The following DGKB variants were observed in gnomAD, a reference collection of about 807,000 sequenced individuals.
DGKB encodes the protein diacylglycerol kinase beta.
In DGKB, 67 loss-of-function variants were observed where a neutral mutation model predicts 114.3. The ratio of observed to expected loss-of-function variants is 0.59; its 90% CI spans 0.48 to 0.72. The LOEUF is 0.72. Among genes scored for constraint, DGKB ranks in the 30% least tolerant of loss-of-function variants. The probability of loss-of-function intolerance (pLI) is 0.00; values close to 1 mark genes in which losing one functional copy is unlikely to be tolerated. For synonymous variants in DGKB, 398 were observed against 323.1 expected (o/e 1.23, Z -2.49); for missense variants, 907 against 975.2 (o/e 0.93, Z 0.93).
chr7:14,548,022 C>T (rs935590725), intron 20 of DGKB, among the ~76,000 whole-genome samples: 18 of 152,118 alleles, frequency 1.2e-4, no homozygotes, highest in Admixed American at 4.6e-4. Context: ...AGAATAACAT[C>T]GTTACCTTTA....
chr7:14,854,799 A>T (rs547176990), intron 1 of DGKB, among the ~76,000 whole-genome samples: 1 of 152,320 alleles, frequency 6.6e-6, no homozygotes, highest in East Asian at 1.9e-4. Context: ...TTTAATCTAT[A>T]GAAGTTTATC....
At chr7:14,198,887 T>C (rs931110420) in intron 23 of DGKB, among the ~76,000 whole-genome samples, 1 of 152,016 alleles carries the variant, frequency 6.6e-6, no homozygotes, top group African/African-American at 2.4e-5. Flanking sequence ...TGCAGAAATA[T>C]TTAAATAATT....
intron 25 of DGKB, among the ~76,000 whole-genome samples, chr7:14,164,542 C>G (rs1439207001): frequency 1.3e-5 from 2 of 152,132 alleles, no homozygotes; most frequent in Non-Finnish European, 2.9e-5. Context: ...GTTTTCAGTG[C>G]ATCTATTCTA....
intron 25 of DGKB, among the ~76,000 whole-genome samples, chr7:14,157,989 G>A (rs1450229672): frequency 1.3e-5 from 2 of 152,040 alleles, no homozygotes; most frequent in African/African-American, 4.8e-5. Flanking sequence ...TGGTGTTAAG[G>A]ACATAGACCC....
At chr7:14,726,636 T>C (rs182635308) in intron 5 of DGKB, among the ~76,000 whole-genome samples, 4 of 152,362 alleles carry the variant, frequency 2.6e-5, no homozygotes, top group Admixed American at 2.6e-4. Context: ...GAACTCTAAA[T>C]TTTCATCTTC....
rs571018903 is a variant in DGKB, at chr7:14,348,204, C to G, written c.1836-2813G>C. Among the ~76,000 whole-genome samples, 53 of 151,522 alleles carry G rather than the reference C, an allele frequency of 3.5e-4. 1 individual carries two copies. Among genetic ancestry groups the G allele is most frequent in the Non-Finnish European group, 2.1e-4 (14 of 67,882 alleles). ...CCTTCGACAACCACTAATCTGTTCT[C>G]TAGTTCTATAATTTTGTTATTTCAA... On this transcript the variant is annotated intron_variant, in intron 21 of 25. Coordinates refer to ENST00000402815, the MANE Select transcript of DGKB (RefSeq NM_001350709.2).
chr7:14,838,265 A>C (rs1310655614), intron 2 of DGKB, among the ~76,000 whole-genome samples: 1 of 152,180 alleles, frequency 6.6e-6, no homozygotes, highest in Non-Finnish European at 1.5e-5. Context: ...TCTTTCTTCT[A>C]ATCAATTCAA....
chr7:14,905,452 T>A (rs997913897), upstream of DGKB, among the ~76,000 whole-genome samples: 2 of 152,096 alleles, frequency 1.3e-5, no homozygotes, highest in African/African-American at 4.8e-5. Context: ...ACTGTGCCCA[T>A]TTCTCCAAGA....
chr7:14,902,942 C>A (rs556815423), upstream of DGKB: 21 of 152,264 alleles, frequency 1.4e-4, no homozygotes, highest in African/African-American at 4.8e-4. Context: ...CGTAGGTTTC[C>A]GGAGCCTGAA....
chr7:14,639,865 T>C (rs910695390), intron 13 of DGKB, among the ~76,000 whole-genome samples: 1 of 152,202 alleles, frequency 6.6e-6, no homozygotes, highest in African/African-American at 2.4e-5. Context: ...AAGAGTGCAA[T>C]TCGATTTAGT....
intron 20 of DGKB, among the ~76,000 whole-genome samples, chr7:14,559,693 C>T (rs1005175933): frequency 1.3e-5 from 2 of 152,092 alleles, no homozygotes; most frequent in Non-Finnish European, 2.9e-5. Context: ...AAATATTTAG[C>T]AGTTGCCTAA....
intron 1 of DGKB, among the ~76,000 whole-genome samples, chr7:14,969,973 A>C (rs1787363956): frequency 6.6e-6 from 1 of 152,192 alleles, no homozygotes; most frequent in Admixed American, 6.5e-5. Context: ...TTTCATTTTC[A>C]CTAGAATTTT....
intron 23 of DGKB, chr7:14,209,679 A>T (rs1230208891): frequency 3.0e-6 from 1 of 331,560 alleles, no homozygotes; most frequent in Non-Finnish European, 5.9e-6. Flanking sequence ...AACCTACTTA[A>T]ATAGTCTATC....
intron 5 of DGKB, among the ~76,000 whole-genome samples, chr7:14,723,147 G>A (rs1466626911): frequency 2.0e-5 from 3 of 151,896 alleles, no homozygotes; most frequent in African/African-American, 7.3e-5. Context: ...CTAATCTAAT[G>A]GTTATTCAGA....
intron 2 of DGKB, among the ~76,000 whole-genome samples, chr7:14,794,340 A>C (rs2128028295): frequency 6.6e-6 from 1 of 152,252 alleles, no homozygotes; most frequent in South Asian, 2.1e-4. Context: ...CTAGGGCCTA[A>C]AATTTTTATG....
At chr7:14,748,042 T>C (rs1833609772) in intron 4 of DGKB, among the ~76,000 whole-genome samples, 20 of 152,220 alleles carry the variant, frequency 1.3e-4, no homozygotes, top group Admixed American at 1.2e-3. Context: ...CTAGTATTCA[T>C]CCATGCAGAT....
rs544406239 is a variant in DGKB at position 14,652,332 on chromosome 7, C to G, written c.1134+20597G>C. ...GATTAATGGAACAGAACAGAGCCCT[C>G]AGAAATAACGCCGCATATCTACAAC... On this transcript the variant is annotated intron_variant, in intron 13 of 25. Coordinates refer to ENST00000402815, the MANE Select transcript of DGKB (RefSeq NM_001350709.2). Among the ~76,000 whole-genome samples, 4 of 152,212 alleles carry G rather than the reference C, an allele frequency of 2.6e-5. No individual in the cohort carries two copies. In the South Asian group the frequency reaches 8.3e-4, roughly 32 times the overall value.
chr7:14,555,039 G>C (rs1795682728), intron 20 of DGKB, among the ~76,000 whole-genome samples: 1 of 151,992 alleles, frequency 6.6e-6, no homozygotes, highest in African/African-American at 2.4e-5. Flanking sequence ...TCCTGTTCCG[G>C]ATGATAGCAA....
chr7:14,828,210 C>T (rs1845950082), intron 2 of DGKB, among the ~76,000 whole-genome samples: 1 of 152,046 alleles, frequency 6.6e-6, no homozygotes, highest in Non-Finnish European at 1.5e-5. Context: ...CCAATTGAGA[C>T]TCAGTTAAGA....
Sources: gnomAD v4.1 joint callset for allele counts (sites outside exome capture counted in the v4.1 genomes callset) on GRCh38, gnomAD v4.1.1 for gene constraint, MANE v1.5 for transcripts, NCBI Gene and HGNC (gene_info 2026-07-23, HGNC 2026-07-21) for gene names.